Variants in DOCK9 observed in about 807,000 individuals in gnomAD.
DOCK9 encodes the protein dedicator of cytokinesis 9.
In DOCK9, 89 loss-of-function variants were observed where a neutral mutation model predicts 263.3. The ratio of observed to expected loss-of-function variants is 0.34; its 90% CI spans 0.28 to 0.40. The LOEUF is 0.40. Among genes scored for constraint, DOCK9 ranks in the 10% least tolerant of loss-of-function variants. The pLI is 1.00. For missense variants in DOCK9, 2,140 were observed against 2,603.4 expected, an observed-to-expected ratio of 0.82 and a Z score of 3.87; for synonymous variants, 976 against 973.1, an observed-to-expected ratio of 1.00 and a Z score of -0.06.
intron 1 of DOCK9, among the ~76,000 whole-genome samples, chr13:99,075,577 GC>G (rs2041876772): frequency 6.6e-6 from 1 of 151,464 alleles, no homozygotes; most frequent in Admixed American, 6.6e-5. Context: ...TGTTGCCCAG[GC>G]TGGTCTGAAA....
In DOCK9 at chr13:98,914,299, G is replaced by A. The variant is rs576897429; in HGVS notation, c.960+29C>T. 77 of 1,585,346 alleles carry A rather than the reference G, an allele frequency of 4.9e-5. No homozygotes were observed. In the South Asian group the frequency reaches 6.8e-4, roughly 14 times the overall value. On this transcript the variant is annotated intron_variant, in intron 9 of 52. Coordinates refer to ENST00000682017, the MANE Select transcript of DOCK9 (RefSeq NM_001366683.2). Reference sequence around the variant, plus strand: ...GAGACATACTTCAACAGCATTCAACGAAGAGCAGAAGATATAAGACGATGT... The same window carrying A: ...GAGACATACTTCAACAGCATTCAACAAAGAGCAGAAGATATAAGACGATGT...
chr13:99,047,517 C>CTTTTT (rs80048308), intron 1 of DOCK9, among the ~76,000 whole-genome samples: 9 of 127,026 alleles, frequency 7.1e-5, no homozygotes, highest in East Asian at 7.0e-4. Context: ...GGTTCTAATC[C>CTTTTT]TTTTTTTTTT....
At chr13:99,046,620 G>A (rs759440313) in intron 1 of DOCK9, among the ~76,000 whole-genome samples, 12 of 152,214 alleles carry the variant, frequency 7.9e-5, no homozygotes, top group Non-Finnish European at 1.2e-4. Context: ...GAGGGGCCTT[G>A]AAGAGCCACT....
chr13:99,018,792 T>C (rs1321315837), intron 1 of DOCK9, among the ~76,000 whole-genome samples: 2 of 152,246 alleles, frequency 1.3e-5, no homozygotes, highest in Non-Finnish European at 2.9e-5. Context: ...GCAACCAGTG[T>C]AGCCACCTAA....
intron 14 of DOCK9, 98 bp from the exon 15 acceptor site, chr13:98,897,708 C>T (rs1436912104): frequency 2.0e-6 from 3 of 1,490,310 alleles, no homozygotes; most frequent in East Asian, 4.6e-5. Flanking sequence ...AATTATTATT[C>T]CATTGGCTAT....
At chr13:98,824,549 C>T (rs778170473) in intron 44 of DOCK9, 45 bp from the exon 45 acceptor site, 7 of 1,550,616 alleles carry the variant, frequency 4.5e-6, no homozygotes, top group Admixed American at 3.3e-5. Flanking sequence ...GGAACCTGAA[C>T]GTGGGTGAAC....
intron 1 of DOCK9, among the ~76,000 whole-genome samples, chr13:99,083,208 T>C (rs1721549311): frequency 6.6e-6 from 1 of 150,392 alleles, no homozygotes; most frequent in African/African-American, 2.5e-5. Flanking sequence ...TGAGCCGAGA[T>C]CACGCCACTG....
At chr13:99,073,016 G>A (rs1445045929) in intron 1 of DOCK9, among the ~76,000 whole-genome samples, 1 of 151,964 alleles carries the variant, frequency 6.6e-6, no homozygotes, top group Non-Finnish European at 1.5e-5. Context: ...AGAATTCCAG[G>A]AATTGGCCAT....
intron 9 of DOCK9, 103 bp downstream of exon 9, chr13:98,914,225 G>A: frequency 1.0e-6 from 1 of 976,206 alleles, no homozygotes; most frequent in Non-Finnish European, 1.5e-6. Flanking sequence ...TAATCACAAT[G>A]TAATTTTTAT....
intron 1 of DOCK9, among the ~76,000 whole-genome samples, chr13:99,054,927 T>C (rs2040851084): frequency 6.6e-6 from 1 of 152,206 alleles, no homozygotes; most frequent in African/African-American, 2.4e-5. Context: ...TTCACTTACT[T>C]TCCTAACTTA....
intron 30 of DOCK9, among the ~76,000 whole-genome samples, chr13:98,864,928 G>A (rs748272795): frequency 3.9e-5 from 6 of 152,016 alleles, no homozygotes; most frequent in Non-Finnish European, 8.8e-5. Flanking sequence ...TCCCTCTCTC[G>A]CCATGTGACA....
intron 45 of DOCK9, among the ~76,000 whole-genome samples, chr13:98,820,511 A>C (rs2092201038): frequency 6.6e-6 from 1 of 152,214 alleles, no homozygotes; most frequent in African/African-American, 2.4e-5. Flanking sequence ...AAGTTTATTA[A>C]GAAAGTAAAA....
At chr13:98,869,213 C>A (rs1392874694) in intron 27 of DOCK9, among the ~76,000 whole-genome samples, 1 of 152,218 alleles carries the variant, frequency 6.6e-6, no homozygotes, top group Non-Finnish European at 1.5e-5. Flanking sequence ...CCAACAGGAA[C>A]CTACAAAATT....
chr13:99,001,712 G>A (rs896204775), intron 1 of DOCK9, among the ~76,000 whole-genome samples: 2 of 152,258 alleles, frequency 1.3e-5, no homozygotes, highest in Admixed American at 6.5e-5. Flanking sequence ...ACATGAAAGA[G>A]GACAGGACAG....
intron 1 of DOCK9, among the ~76,000 whole-genome samples, chr13:99,008,089 A>G (rs1309604722): frequency 1.3e-5 from 2 of 151,860 alleles, no homozygotes; most frequent in African/African-American, 4.8e-5. Context: ...TAGGTTAAAT[A>G]AAATGTTACA....
At chr13:98,917,504 C>T (rs1265176648) in intron 7 of DOCK9, among the ~76,000 whole-genome samples, 1 of 152,134 alleles carries the variant, frequency 6.6e-6, no homozygotes, top group Admixed American at 6.5e-5. Context: ...ATAGTGGTGG[C>T]CTTCAGAGAA....
chr13:98,812,016 T>G (rs2091341083), intron 45 of DOCK9, among the ~76,000 whole-genome samples: 1 of 152,214 alleles, frequency 6.6e-6, no homozygotes, highest in Non-Finnish European at 1.5e-5. Context: ...TCTATTGGAT[T>G]GCCTTTGAAC....
Position 98,797,268 on chromosome 13 carries a change from G to A in DOCK9, c.6018-15C>T. On this transcript the variant is annotated splice_polypyrimidine_tract_variant and intron_variant, in intron 51 of 52. Coordinates refer to ENST00000682017, the MANE Select transcript of DOCK9 (RefSeq NM_001366683.2). Reference sequence around the variant, plus strand: ...CCACAAATTGCCTGGAATGGTACAGGCGGGAGAAACAAAGGCACGCAGAGG... The same window carrying A: ...CCACAAATTGCCTGGAATGGTACAGACGGGAGAAACAAAGGCACGCAGAGG... The A allele has an allele frequency of 1.2e-6, 2 of 1,613,780 alleles. No homozygotes were observed. The highest frequency in any genetic ancestry group is 1.7e-6 in the Non-Finnish European group (2 of 1,179,800).
chr13:98,869,638 A>G (rs1028082368), intron 27 of DOCK9, among the ~76,000 whole-genome samples: 8 of 152,254 alleles, frequency 5.3e-5, no homozygotes, highest in African/African-American at 1.9e-4. Context: ...CTCACTAAAA[A>G]GTACTAACTG....
Sources: allele counts gnomAD v4.1 joint callset (sites outside exome capture counted in the v4.1 genomes callset), GRCh38; gene constraint gnomAD v4.1.1; transcripts MANE v1.5; gene names NCBI Gene and HGNC (gene_info 2026-07-23, HGNC 2026-07-21).